The following SHISAL1 variants were observed in gnomAD, a reference collection of about 807,000 sequenced individuals.
SHISAL1 encodes shisa like 1.
In SHISAL1, 9 loss-of-function variants were observed where a neutral mutation model predicts 22.6. That is an observed-to-expected ratio of 0.40 (90% CI 0.24 to 0.70). SHISAL1 has a LOEUF of 0.70. Among genes scored for constraint, SHISAL1 ranks in the 30% least tolerant of loss-of-function variants. The probability of loss-of-function intolerance (pLI) is 0.39; values close to 1 mark genes in which losing one functional copy is unlikely to be tolerated. For synonymous variants in SHISAL1, 119 were observed against 115.4 expected (o/e 1.03, Z -0.20); for missense variants, 246 against 270.6 (o/e 0.91, Z 0.64).
Position 44,309,830 on chromosome 22 carries a change from T to C in SHISAL1, c.-33+2921A>G, listed in dbSNP as rs1042742541. On this transcript the variant is annotated intron_variant, in intron 1 of 4. Transcript: ENST00000381176. Reference sequence around the variant, plus strand: ...TGTTTTCAGGACATCCACTTAGAGGTTATGAAATCTCACTCTGAAACGTGA... The same window carrying C: ...TGTTTTCAGGACATCCACTTAGAGGCTATGAAATCTCACTCTGAAACGTGA... Among the ~76,000 whole-genome samples the C allele has an allele frequency of 3.3e-5, 5 of 152,284 alleles. No individual in the cohort carries two copies. The South Asian group carries it at 6.2e-4, about 19-fold the overall frequency.
At chr22:44,284,411 G>C (rs1219080675) in intron 4 of SHISAL1, among the ~76,000 whole-genome samples, 1 of 152,120 alleles carries the variant, frequency 6.6e-6, no homozygotes, top group African/African-American at 2.4e-5. Flanking sequence ...CCGGGACTCA[G>C]ACCCAGGTTA....
intron 4 of SHISAL1, among the ~76,000 whole-genome samples, chr22:44,251,865 C>T (rs1165224884): frequency 1.3e-5 from 2 of 152,140 alleles, no homozygotes; most frequent in African/African-American, 4.8e-5. Flanking sequence ...ATATCAGTTG[C>T]CTTACAGTGA....
intron 4 of SHISAL1, among the ~76,000 whole-genome samples, chr22:44,276,968 C>T (rs2055244330): frequency 6.6e-6 from 1 of 152,202 alleles, no homozygotes; most frequent in Admixed American, 6.5e-5. Context: ...GCAGAGAACC[C>T]AGGGCTCCCC....
At chr22:44,284,334 C>T (rs537733117) in intron 4 of SHISAL1, among the ~76,000 whole-genome samples, 15 of 152,072 alleles carry the variant, frequency 9.9e-5, no homozygotes, top group South Asian at 4.2e-4. Flanking sequence ...TCCTCCTTCA[C>T]GAGGATCGGA....
At position 44,244,736 on chromosome 22, in the gene SHISAL1, G is replaced by A. The variant is rs1225768574; in HGVS notation, c.*4949C>T. On this transcript the variant is annotated 3_prime_UTR_variant, in exon 5 of 5. Coordinates refer to ENST00000381176, the MANE Select transcript of SHISAL1 (RefSeq NM_001099294.2). Reference sequence around the variant, plus strand: ...AGGAATGGCTCCCAGATGGGCCCTGGGTACAGGGCCAGGCAAGTGGCAGGC... The same window carrying A: ...AGGAATGGCTCCCAGATGGGCCCTGAGTACAGGGCCAGGCAAGTGGCAGGC... 2 of 152,148 alleles carry A rather than the reference G, an allele frequency of 1.3e-5. No homozygotes were observed. The highest frequency in any genetic ancestry group is 2.4e-5 in the African/African-American group (1 of 41,428). The allele number at this position is 152,148 out of a possible 1,614,324, so 9.4% of individuals were successfully genotyped here.
intron 2 of SHISAL1, among the ~76,000 whole-genome samples, chr22:44,297,685 C>T (rs1400502766): frequency 6.6e-6 from 1 of 152,216 alleles, no homozygotes; most frequent in African/African-American, 2.4e-5. Flanking sequence ...ATTTACGAGT[C>T]GTGCCGATGG....
At chr22:44,253,469 C>T (rs1406618101) in intron 4 of SHISAL1, among the ~76,000 whole-genome samples, 1 of 148,442 alleles carries the variant, frequency 6.7e-6, no homozygotes, top group Non-Finnish European at 1.5e-5. Flanking sequence ...CACTCTGTCG[C>T]CCAGGCTGGA....
At chr22:44,287,330 G>A (rs756455245) in intron 3 of SHISAL1, among the ~76,000 whole-genome samples, 25 of 152,172 alleles carry the variant, frequency 1.6e-4, no homozygotes, top group Non-Finnish European at 2.9e-4. Flanking sequence ...GCCCAGGGCC[G>A]GGGAAGCTCG....
rs539345332 is a variant in SHISAL1, at chr22:44,300,162, CAGAG to C, written c.67+713_67+716del. Among the ~76,000 whole-genome samples the C allele has an allele frequency of 3.0e-3, 458 of 150,640 alleles. 3 individuals are homozygous for C. Among genetic ancestry groups the C allele is most frequent in the African/African-American group, 0.011 (446 of 40,854 alleles). On this transcript the variant is annotated intron_variant, in intron 2 of 4. Coordinates refer to ENST00000381176, the MANE Select transcript of SHISAL1 (RefSeq NM_001099294.2). ...AGACAGAAACAGAGAGAGACAGAGACAGAGAGAGATAGAGATACAGAGACAGACA... is the reference window on the plus strand; with the variant it reads ...AGACAGAAACAGAGAGAGACAGAGACAGAGATAGAGATACAGAGACAGACA...
At chr22:44,279,635 G>A (rs1043603684) in intron 4 of SHISAL1, among the ~76,000 whole-genome samples, 4 of 152,316 alleles carry the variant, frequency 2.6e-5, no homozygotes, top group East Asian at 3.9e-4. Context: ...GGTGAGAAAC[G>A]GTGGTACTGG....
At chr22:44,263,061 GTATT>G (rs1310553438) in intron 4 of SHISAL1, among the ~76,000 whole-genome samples, 1 of 112,558 alleles carries the variant, frequency 8.9e-6, no homozygotes, top group Non-Finnish European at 1.9e-5. Flanking sequence ...GAGCCTTCAC[GTATT>G]TTTTTCTTTC....
chr22:44,290,286 C>T lies in SHISAL1; in HGVS notation c.282-4541G>A, dbSNP rs201993966. Among the ~76,000 whole-genome samples the T allele has an allele frequency of 4.6e-5, 7 of 152,206 alleles. No individual in the cohort carries two copies. In the East Asian group the frequency reaches 1.2e-3, roughly 25 times the overall value. On this transcript the variant is annotated intron_variant, in intron 3 of 4. Coordinates refer to ENST00000381176, the MANE Select transcript of SHISAL1 (RefSeq NM_001099294.2). Reference sequence around the variant, plus strand: ...GGCTCACACCTGTAATCCCAGCACTCTGGGAGGCCGAAGTGGGTGGATCAC... The same window carrying T: ...GGCTCACACCTGTAATCCCAGCACTTTGGGAGGCCGAAGTGGGTGGATCAC...
At chr22:44,307,965 G>A (rs1190466134) in intron 1 of SHISAL1, among the ~76,000 whole-genome samples, 1 of 152,154 alleles carries the variant, frequency 6.6e-6, no homozygotes, top group Non-Finnish European at 1.5e-5. Context: ...GGGGCTTCCA[G>A]CCAGCCCCTC....
intron 3 of SHISAL1, among the ~76,000 whole-genome samples, chr22:44,286,041 A>G (rs1054109465): frequency 5.9e-5 from 9 of 152,254 alleles, no homozygotes; most frequent in South Asian, 2.1e-4. Context: ...TTTGGGGGGA[A>G]TTCTGAGCTG....
chr22:44,276,024 T>A (rs1015568326), intron 4 of SHISAL1, among the ~76,000 whole-genome samples: 1 of 152,138 alleles, frequency 6.6e-6, no homozygotes, highest in Non-Finnish European at 1.5e-5. Flanking sequence ...GAAACACCAA[T>A]CCCAACTCTC....
chr22:44,300,919 C>G lies in SHISAL1; in HGVS notation c.27G>C (p.Leu9Phe). The G allele has an allele frequency of 6.2e-7, 1 of 1,614,170 alleles. No individual in the cohort carries two copies. Among genetic ancestry groups the G allele is most frequent in the Non-Finnish European group, 8.5e-7 (1 of 1,180,030 alleles). Residue 9 changes from leucine to phenylalanine, a missense_variant, in exon 2 of 5, where the codon TTG becomes TTC. Leu to Phe is a conservative substitution (Grantham distance 22). Around this residue, in one of 2 missense-constraint regions of SHISAL1, gnomAD observed 110 missense variants for 153.1 expected, o/e 0.72. Coordinates refer to ENST00000381176, the MANE Select transcript of SHISAL1 (RefSeq NM_001099294.2). ...ATGAGAAGAGGACGGCGAGCACGTT[C>G]AAGGACTGCTGGCCACAACTGGTCA... MTSCGQQS[L>F]NVLAVLFSLL...
chr22:44,269,975 A>G (rs2055195497), intron 4 of SHISAL1, among the ~76,000 whole-genome samples: 1 of 152,106 alleles, frequency 6.6e-6, no homozygotes, highest in African/African-American at 2.4e-5. Flanking sequence ...GTGCCCCTCC[A>G]ACATCCAATT....
At chr22:44,293,157 C>T (rs867587677) in intron 3 of SHISAL1, among the ~76,000 whole-genome samples, 8 of 152,288 alleles carry the variant, frequency 5.3e-5, no homozygotes, top group Admixed American at 2.6e-4. Flanking sequence ...CCTTCTTAAA[C>T]GCTGTCAGAT....
chr22:44,263,567 G>A (rs185202395), intron 4 of SHISAL1, among the ~76,000 whole-genome samples: 2 of 152,338 alleles, frequency 1.3e-5, no homozygotes, highest in African/African-American at 4.8e-5. Context: ...TGAGGGTTTT[G>A]GGAGAGAGAG....
Sources: gnomAD v4.1 joint callset for allele counts (sites outside exome capture counted in the v4.1 genomes callset) on GRCh38, gnomAD v4.1.1 for gene constraint, gnomAD v4.1.1 regional missense constraint, MANE v1.5 for transcripts, NCBI Gene and HGNC (gene_info 2026-07-23, HGNC 2026-07-21) for gene names.